The following POM121 variants were observed in gnomAD, a reference collection of about 807,000 sequenced individuals.
POM121 encodes POM121 transmembrane nucleoporin.
Under a neutral mutation model 81.3 loss-of-function variants are expected in POM121, and 32 were observed. That is an observed-to-expected ratio of 0.39 (90% CI 0.30 to 0.53). POM121 has a LOEUF of 0.53. POM121 is among the 20% of genes least tolerant of loss of function. The probability of loss-of-function intolerance (pLI) is 0.66; values close to 1 mark genes in which losing one functional copy is unlikely to be tolerated. For missense variants in POM121, 1,138 were observed against 1,614.6 expected, an observed-to-expected ratio of 0.70 and a Z score of 5.06; for synonymous variants, 514 against 694.2, an observed-to-expected ratio of 0.74 and a Z score of 4.08.
chr7:72,887,683 T>C (rs2867765), intron 1 of POM121, among the ~76,000 whole-genome samples: 2 of 151,982 alleles, frequency 1.3e-5, no homozygotes, highest in South Asian at 2.1e-4. Flanking sequence ...AAAAATTAGC[T>C]GGGCATGCTG....
intron 4 of POM121, among the ~76,000 whole-genome samples, chr7:72,914,799 C>T (rs1794144725): frequency 6.6e-6 from 1 of 152,108 alleles, no homozygotes; most frequent in Non-Finnish European, 1.5e-5. Flanking sequence ...GGGTGTCACA[C>T]AGTTGGTGTC....
chr7:72,894,626 GGAGAGAGAGAGAGAGAGA>G (rs71071923), intron 3 of POM121, among the ~76,000 whole-genome samples: 955 of 23,258 alleles, frequency 0.041, 8 homozygotes, highest in Non-Finnish European at 0.08. Context: ...GAGAGAGAGA[GGAGAGAGAGAGAGAGAGA>G]GAGAGAGAGA....
chr7:72,914,094 T>G (rs190925062), intron 4 of POM121, among the ~76,000 whole-genome samples: 148 of 152,340 alleles, frequency 9.7e-4, no homozygotes, highest in Non-Finnish European at 1.6e-3. Context: ...CCTTCTGCTG[T>G]GTTGTCGTGG....
At chr7:72,895,015 G>T (rs1395262013) in intron 3 of POM121, among the ~76,000 whole-genome samples, 3 of 152,110 alleles carry the variant, frequency 2.0e-5, no homozygotes, top group East Asian at 3.9e-4. Flanking sequence ...TTCTATAGAA[G>T]TGGAGTCTTG....
intron 3 of POM121, 50 bp from the exon 4 acceptor site, chr7:72,928,335 G>A: frequency 6.2e-7 from 1 of 1,606,942 alleles, no homozygotes; most frequent in South Asian, 1.1e-5. Flanking sequence ...CACTTTAAAG[G>A]GACAAAAAAA....
chr7:72,943,559 C>A, intron 11 of POM121, 37 bp downstream of exon 11: 1 of 1,593,228 alleles, frequency 6.3e-7, no homozygotes, highest in Non-Finnish European at 8.5e-7. Context: ...CCGGGCCGGA[C>A]ACTGAAAAGC....
At chr7:72,889,151 C>G (rs1229246079) in intron 1 of POM121, among the ~76,000 whole-genome samples, 2 of 152,186 alleles carry the variant, frequency 1.3e-5, no homozygotes, top group African/African-American at 4.8e-5. Context: ...CCTACCACCT[C>G]CTTGCTTTCT....
At chr7:72,945,508 G>T in intron 11 of POM121, 78 bp from the exon 12 acceptor site, 1 of 1,576,308 alleles carries the variant, frequency 6.3e-7, no homozygotes, top group Non-Finnish European at 8.6e-7. Flanking sequence ...GTGCCCTGCG[G>T]AGCACAGGCT....
At chr7:72,921,647 TC>T (rs1554496012), upstream of POM121, among the ~76,000 whole-genome samples, 1 of 152,206 alleles carries the variant, frequency 6.6e-6, no homozygotes, top group African/African-American at 2.4e-5. Context: ...GTTTTATATA[TC>T]CACAACAGCA....
At chr7:72,907,542 ACT>A (rs1563142907) in intron 3 of POM121, among the ~76,000 whole-genome samples, 1 of 149,902 alleles carries the variant, frequency 6.7e-6, no homozygotes, top group Non-Finnish European at 1.5e-5. Context: ...ACAGAGTCTC[ACT>A]CTGTCGCCCA....
intron 5 of POM121, among the ~76,000 whole-genome samples, chr7:72,934,732 T>G (rs1251449789): frequency 1.1e-4 from 17 of 152,204 alleles, no homozygotes; most frequent in Admixed American, 9.2e-4. Context: ...GTTGTTGTTG[T>G]TGTTTTTTAC....
At chr7:72,928,494 C>T (rs1795694028) in intron 4 of POM121, 29 bp downstream of exon 4, 3 of 1,607,110 alleles carry the variant, frequency 1.9e-6, no homozygotes, top group Non-Finnish European at 2.6e-6. Flanking sequence ...GGATGAAATA[C>T]CAACTGTTTG....
chr7:72,913,638 C>G (rs1194511336), intron 3 of POM121: 1 of 152,564 alleles, frequency 6.6e-6, no homozygotes, highest in East Asian at 1.9e-4. Flanking sequence ...CTTCTCTCTT[C>G]TCCTGCACCA....
At chr7:72,903,475 G>A (rs533547591) in intron 3 of POM121, among the ~76,000 whole-genome samples, 1 of 152,292 alleles carries the variant, frequency 6.6e-6, no homozygotes, top group African/African-American at 2.4e-5. Context: ...TTATAATGGG[G>A]TAACTGGAAA....
rs371657800 is a variant in POM121 at position 72,910,035 on chromosome 7, A to G, written c.-215-3730A>G. On this transcript the variant is annotated intron_variant, in intron 3 of 15. Transcript: ENST00000395270. The stretch of plus-strand genomic sequence containing the variant: ...GTGTTGATCCTGGTTGTTTTCACAC[A>G]TGGGCACTTCGAGGGCATGGCCAGG... 2.6e-4 allele frequency among the ~76,000 whole-genome samples: 39 copies of G among 152,282 alleles called. 1 individual carries two copies. In the South Asian group the frequency reaches 7.3e-3, roughly 28 times the overall value.
At chr7:72,938,911 G>A (rs1338075492) in intron 6 of POM121, among the ~76,000 whole-genome samples, 22 of 152,220 alleles carry the variant, frequency 1.4e-4, no homozygotes, top group Non-Finnish European at 2.9e-4. Context: ...CCAGCATGAG[G>A]GATCGGGTGC....
upstream of POM121, chr7:72,924,997 G>A: frequency 2.3e-6 from 3 of 1,324,618 alleles, no homozygotes; most frequent in Non-Finnish European, 2.9e-6. Flanking sequence ...GTTGGGTCTC[G>A]GGCGCTGCCG....
Position 72,925,340 on chromosome 7 carries a change from C to T in POM121, c.219C>T (p.Pro73=). ...CCTGGTGGGGACTGAGCCGCGAGCC[C>T]CGAGGTTCGCGCCCCTTGTCCTCCT... ...TAAWWGLSRE[P]RGSRPLSSFV... is the part of the protein sequence containing the mutation. Residue 73 remains proline, a synonymous_variant, in exon 1 of 13, where the codon CCC becomes CCT. Transcript: ENST00000434423. 6.5e-7 allele frequency: 1 copy of T among 1,534,310 alleles called. No individual in the cohort carries two copies. Among genetic ancestry groups the T allele is most frequent in the South Asian group, 1.2e-5 (1 of 83,974 alleles).
At chr7:72,888,943 G>A (rs1230868645) in intron 1 of POM121, among the ~76,000 whole-genome samples, 1 of 151,652 alleles carries the variant, frequency 6.6e-6, no homozygotes, top group Non-Finnish European at 1.5e-5. Context: ...GTGTTATAGT[G>A]GCTTATCATA....
Sources: gnomAD v4.1 joint callset for allele counts (sites outside exome capture counted in the v4.1 genomes callset) on GRCh38, gnomAD v4.1.1 for gene constraint, MANE v1.5 for transcripts, NCBI Gene and HGNC (gene_info 2026-07-23, HGNC 2026-07-21) for gene names.